ROBO2: variants seen among roughly 807,000 people sequenced by gnomAD.
ROBO2 encodes the protein roundabout guidance receptor 2, also known as roundabout homolog 2.
ROBO2 carries 53 observed loss-of-function variants against 160.8 expected under a neutral mutation model. That is an observed-to-expected ratio of 0.33 (90% CI 0.26 to 0.41). The LOEUF is 0.41. Among genes scored for constraint, ROBO2 ranks in the 10% least tolerant of loss-of-function variants. ROBO2 has a pLI of 1.00. For missense variants in ROBO2, 1,577 were observed against 1,722.4 expected (o/e 0.92, Z 1.49); for synonymous variants, 664 against 611.7 (o/e 1.09, Z -1.26).
At chr3:76,470,537 C>A (rs1450154743) in intron 2 of ROBO2, among the ~76,000 whole-genome samples, 1 of 152,114 alleles carries the variant, frequency 6.6e-6, no homozygotes, top group Admixed American at 6.6e-5. Context: ...CTCTACGTGA[C>A]TCGGGCTTCT....
chr3:76,967,398 G>A (rs1335687760), intron 2 of ROBO2, among the ~76,000 whole-genome samples: 1 of 150,766 alleles, frequency 6.6e-6, no homozygotes, highest in Non-Finnish European at 1.5e-5. Flanking sequence ...TAGAGATGGA[G>A]TTTCCGCCAT....
intron 2 of ROBO2, among the ~76,000 whole-genome samples, chr3:76,989,717 GTATT>G (rs1369019672): frequency 6.6e-6 from 1 of 152,020 alleles, no homozygotes; most frequent in East Asian, 1.9e-4. Flanking sequence ...GTAAGACTGG[GTATT>G]TATTATAAGA....
intron 2 of ROBO2, among the ~76,000 whole-genome samples, chr3:77,337,101 T>A (rs746895279): frequency 2.0e-5 from 3 of 152,190 alleles, no homozygotes; most frequent in Non-Finnish European, 2.9e-5. Context: ...TGGTTTTCTG[T>A]TAGGAAGAAA....
At chr3:76,771,406 A>G (rs1037262856) in intron 2 of ROBO2, among the ~76,000 whole-genome samples, 3 of 151,276 alleles carry the variant, frequency 2.0e-5, no homozygotes, top group Non-Finnish European at 4.4e-5. Context: ...ACTTATTTTG[A>G]ACAGCACCAC....
chr3:77,387,219 G>T (rs563851485), intron 2 of ROBO2, among the ~76,000 whole-genome samples: 3 of 151,178 alleles, frequency 2.0e-5, no homozygotes, highest in African/African-American at 7.3e-5. Flanking sequence ...GCTAATGAGC[G>T]TTGGCAGACC....
chr3:76,481,603 T>C (rs1560019771), intron 2 of ROBO2, among the ~76,000 whole-genome samples: 1 of 152,160 alleles, frequency 6.6e-6, no homozygotes, highest in Non-Finnish European at 1.5e-5. Context: ...TCTTAAAGTT[T>C]GCATCAGCAT....
intron 2 of ROBO2, among the ~76,000 whole-genome samples, chr3:76,388,826 T>G (rs2077017022): frequency 6.6e-6 from 1 of 152,132 alleles, no homozygotes. Flanking sequence ...TATTTATTGT[T>G]TTATGCTTAT....
chr3:77,098,657 G>C (rs140204807), intron 2 of ROBO2, among the ~76,000 whole-genome samples: 8,685 of 151,854 alleles, frequency 0.057, 309 homozygotes, highest in Middle Eastern at 0.14. Context: ...ACCATCCTGG[G>C]TAACACGGTG....
chr3:77,111,565 A>G (rs771084057), intron 2 of ROBO2, among the ~76,000 whole-genome samples: 2 of 152,208 alleles, frequency 1.3e-5, no homozygotes, highest in East Asian at 1.9e-4. Context: ...TTAAATTTAT[A>G]CATTTAACTT....
chr3:76,065,888 A>T (rs1336464979), intron 2 of ROBO2, among the ~76,000 whole-genome samples: 63 of 151,876 alleles, frequency 4.1e-4, no homozygotes, highest in African/African-American at 1.5e-3. Flanking sequence ...ATATTGAAAA[A>T]TTGTTCATCC....
intron 2 of ROBO2, among the ~76,000 whole-genome samples, chr3:76,097,802 A>T (rs948127735): frequency 6.6e-6 from 1 of 152,146 alleles, no homozygotes; most frequent in African/African-American, 2.4e-5. Flanking sequence ...TCCAGAATAT[A>T]TTCTAGTTCT....
intron 2 of ROBO2, among the ~76,000 whole-genome samples, chr3:76,212,067 AATAAGT>A (rs1234539747): frequency 6.6e-6 from 1 of 152,026 alleles, no homozygotes; most frequent in African/African-American, 2.4e-5. Context: ...GAATAACCAT[AATAAGT>A]ATATTTTTGA....
At chr3:76,810,190 T>C (rs1307185050) in intron 2 of ROBO2, among the ~76,000 whole-genome samples, 1 of 151,992 alleles carries the variant, frequency 6.6e-6, no homozygotes, top group Admixed American at 6.6e-5. Context: ...AATCACACCA[T>C]ATTGGAGGGC....
chr3:76,100,839 G>C (rs1347131966), intron 2 of ROBO2, among the ~76,000 whole-genome samples: 1 of 152,120 alleles, frequency 6.6e-6, no homozygotes, highest in Non-Finnish European at 1.5e-5. Context: ...TCAATACTGG[G>C]TTAAGTTCTC....
chr3:75,994,048 A>G (rs982819496), intron 2 of ROBO2, among the ~76,000 whole-genome samples: 1 of 152,180 alleles, frequency 6.6e-6, no homozygotes, highest in Admixed American at 6.5e-5. Context: ...TTAAGAGTAT[A>G]AAGAAAGGGA....
chr3:76,785,774 C>G (rs1325432935), intron 2 of ROBO2, among the ~76,000 whole-genome samples: 2 of 151,202 alleles, frequency 1.3e-5, no homozygotes, highest in Non-Finnish European at 3.0e-5. Flanking sequence ...TAAGTCAGCC[C>G]TATTTACCTA....
At chr3:77,101,770 T>TG (rs1479185774) in intron 2 of ROBO2, among the ~76,000 whole-genome samples, 2 of 152,188 alleles carry the variant, frequency 1.3e-5, no homozygotes, top group Non-Finnish European at 1.5e-5. Context: ...CCAGGTGTGT[T>TG]GGTTCACACC....
At chr3:76,534,231 G>A (rs1256436136) in intron 2 of ROBO2, among the ~76,000 whole-genome samples, 1 of 151,940 alleles carries the variant, frequency 6.6e-6, no homozygotes, top group South Asian at 2.1e-4. Flanking sequence ...TTCAGGTCTA[G>A]GGCTCATTTT....
At chr3:76,645,517 T>G (rs2090919988) in intron 2 of ROBO2, among the ~76,000 whole-genome samples, 1 of 152,164 alleles carries the variant, frequency 6.6e-6, no homozygotes, top group African/African-American at 2.4e-5. Context: ...TCAGAATTTT[T>G]CCAGTCTATA....
Sources: allele counts gnomAD v4.1 joint callset (sites outside exome capture counted in the v4.1 genomes callset), GRCh38; gene constraint gnomAD v4.1.1; transcripts MANE v1.5; gene names NCBI Gene and HGNC (gene_info 2026-07-23, HGNC 2026-07-21).